NRXN3: variants seen among roughly 807,000 people sequenced by gnomAD.
NRXN3 encodes neurexin 3.
NRXN3 carries 32 observed loss-of-function variants against 137.6 expected under a neutral mutation model. The observed-to-expected ratio is 0.23, with a 90% CI of 0.18 to 0.31. The LOEUF (loss-of-function observed/expected upper bound fraction) is 0.31, where lower values mean the gene tolerates loss of function less well. NRXN3 is among the 10% of genes least tolerant of loss of function. The probability of loss-of-function intolerance (pLI) is 1.00; values close to 1 mark genes in which losing one functional copy is unlikely to be tolerated. For synonymous variants in NRXN3, 798 were observed against 784.5 expected (o/e 1.02, Z -0.29); for missense variants, 1,574 against 2,062.5 (o/e 0.76, Z 4.59).
At chr14:79,351,392 A>G (rs1037717439) in intron 15 of NRXN3, among the ~76,000 whole-genome samples, 9 of 152,188 alleles carry the variant, frequency 5.9e-5, no homozygotes, top group Non-Finnish European at 1.0e-4. Context: ...ACTACTGTCT[A>G]AAGATCTCTT....
At chr14:79,280,590 C>T (rs1475781687) in intron 15 of NRXN3, 3 of 1,518,710 alleles carry the variant, frequency 2.0e-6, no homozygotes, top group Non-Finnish European at 2.7e-6. Flanking sequence ...ATTCGCTAAC[C>T]CACTAGCCTT....
chr14:79,617,385 A>AT (rs1398533171), intron 16 of NRXN3, among the ~76,000 whole-genome samples: 1 of 152,146 alleles, frequency 6.6e-6, no homozygotes, highest in African/African-American at 2.4e-5. Flanking sequence ...CAGTAGGATC[A>AT]ATTTCACCAA....
intron 15 of NRXN3, among the ~76,000 whole-genome samples, chr14:79,300,923 G>A (rs2085038271): frequency 6.6e-6 from 1 of 152,012 alleles, no homozygotes; most frequent in African/African-American, 2.4e-5. Flanking sequence ...GCCAGAGCAG[G>A]GATTATAAAG....
intron 15 of NRXN3, among the ~76,000 whole-genome samples, chr14:79,007,051 G>A (rs1468345532): frequency 6.6e-6 from 1 of 152,114 alleles, no homozygotes; most frequent in Non-Finnish European, 1.5e-5. Context: ...TGTTCTGAAT[G>A]TTTAGAGTGT....
chr14:78,814,754 G>A (rs1180861940), intron 10 of NRXN3, among the ~76,000 whole-genome samples: 1 of 152,202 alleles, frequency 6.6e-6, no homozygotes, highest in Non-Finnish European at 1.5e-5. Context: ...AAACAGGTAT[G>A]AACTTCTCGT....
At chr14:78,760,034 CT>C (rs61320632) in intron 8 of NRXN3, among the ~76,000 whole-genome samples, 1,352 of 86,720 alleles carry the variant, frequency 0.016, 4 homozygotes, top group Non-Finnish European at 0.018. Context: ...AGCCTGCAGT[CT>C]TTTTTTTTTT....
rs115132900 is a variant in NRXN3, at chr14:78,523,521, C to T, written c.758-121599C>T. On this transcript the variant is annotated intron_variant, in intron 4 of 20. Transcript: ENST00000335750. ...GTAAAGAATACAAGAGAGTGTAGGC[C>T]GGGTGCGGTGGCTCACGCCTGTAAT... 7.4e-3 allele frequency among the ~76,000 whole-genome samples: 1,118 copies of T among 151,690 alleles called. 13 individuals carry two copies. The highest frequency in any genetic ancestry group is 0.025 in the African/African-American group (1,044 of 41,352).
chr14:79,778,689 G>C (rs2099105030), intron 19 of NRXN3, among the ~76,000 whole-genome samples: 1 of 152,068 alleles, frequency 6.6e-6, no homozygotes, highest in African/African-American at 2.4e-5. Flanking sequence ...TTGACTCCCA[G>C]GCCTGTTCAG....
At chr14:78,733,331 C>T (rs2098525808) in intron 8 of NRXN3, among the ~76,000 whole-genome samples, 1 of 152,084 alleles carries the variant, frequency 6.6e-6, no homozygotes. Flanking sequence ...TTGACAAATC[C>T]TTTTCTCACC....
intron 1 of NRXN3, among the ~76,000 whole-genome samples, chr14:78,221,562 A>G (rs1348878172): frequency 6.6e-6 from 1 of 152,214 alleles, no homozygotes; most frequent in African/African-American, 2.4e-5. Context: ...CTGCATAACA[A>G]ACAATCACAA....
chr14:78,844,367 A>G (rs1395292215), intron 10 of NRXN3, among the ~76,000 whole-genome samples: 1 of 152,092 alleles, frequency 6.6e-6, no homozygotes, highest in African/African-American at 2.4e-5. Flanking sequence ...ACATTTATCC[A>G]TTCTGGAGAT....
intron 4 of NRXN3, among the ~76,000 whole-genome samples, chr14:78,545,354 A>C (rs908587140): frequency 6.6e-6 from 1 of 152,198 alleles, no homozygotes; most frequent in African/African-American, 2.4e-5. Context: ...AAATGTGTAC[A>C]TATGATTTCA....
At chr14:78,430,655 C>T (rs1332015564) in intron 4 of NRXN3, among the ~76,000 whole-genome samples, 2 of 152,208 alleles carry the variant, frequency 1.3e-5, no homozygotes, top group African/African-American at 4.8e-5. Flanking sequence ...CAGCTCAGCC[C>T]ATGTGCATCC....
At chr14:78,502,202 G>A (rs748118457) in intron 4 of NRXN3, among the ~76,000 whole-genome samples, 1 of 152,082 alleles carries the variant, frequency 6.6e-6, no homozygotes, top group Non-Finnish European at 1.5e-5. Context: ...GGACAATCAC[G>A]TGAACAGTAT....
chr14:78,950,544 G>A (rs531122984), intron 10 of NRXN3, among the ~76,000 whole-genome samples: 1 of 151,674 alleles, frequency 6.6e-6, no homozygotes, highest in Non-Finnish European at 1.5e-5. Context: ...CTTTTTTCTA[G>A]TCTTAAGGCA....
intron 3 of NRXN3, among the ~76,000 whole-genome samples, chr14:78,284,998 G>A (rs895836195): frequency 1.3e-5 from 2 of 152,190 alleles, no homozygotes; most frequent in African/African-American, 4.8e-5. Flanking sequence ...ATGCAGGTCT[G>A]GAATTCTGCT....
Position 79,675,703 on chromosome 14 carries a change from C to T in NRXN3, c.3616+11754C>T, listed in dbSNP as rs144577389. 8.7e-3 allele frequency among the ~76,000 whole-genome samples: 1,321 copies of T among 152,138 alleles called. 19 individuals carry two copies. The highest frequency in any genetic ancestry group is 0.027 in the Middle Eastern group (8 of 294). On this transcript the variant is annotated intron_variant, in intron 17 of 20. Coordinates refer to ENST00000335750, the MANE Select transcript of NRXN3 (RefSeq NM_001330195.2). Reference sequence around the variant, plus strand: ...AAAGAGATACAATATGTAAGAAGGACAGGCACTCCATTTACGTATAGTTAA... The same window carrying T: ...AAAGAGATACAATATGTAAGAAGGATAGGCACTCCATTTACGTATAGTTAA...
At chr14:78,733,209 G>T (rs1407549560) in intron 8 of NRXN3, among the ~76,000 whole-genome samples, 1 of 152,098 alleles carries the variant, frequency 6.6e-6, no homozygotes, top group East Asian at 1.9e-4. Flanking sequence ...CATGCCTGCT[G>T]CACTATTTTC....
At chr14:79,166,008 T>A (rs1198840469) in intron 15 of NRXN3, among the ~76,000 whole-genome samples, 2 of 151,996 alleles carry the variant, frequency 1.3e-5, no homozygotes, top group Non-Finnish European at 2.9e-5. Context: ...AGGAAGAGAA[T>A]GTTCTATTTG....
Sources: gnomAD v4.1 joint callset for allele counts (sites outside exome capture counted in the v4.1 genomes callset) on GRCh38, gnomAD v4.1.1 for gene constraint, MANE v1.5 for transcripts, NCBI Gene and HGNC (gene_info 2026-07-23, HGNC 2026-07-21) for gene names.